SUGCT: variants seen among roughly 807,000 people sequenced by gnomAD.
SUGCT encodes succinyl-CoA:glutarate-CoA transferase, also known as succinyl-CoA:glutarate CoA-transferase.
A neutral mutation model predicts 55.0 loss-of-function variants in SUGCT; 41 were observed. The observed-to-expected ratio is 0.74, with a 90% confidence interval of 0.58 to 0.97. The LOEUF is 0.97. SUGCT is among the 50% of genes least tolerant of loss of function. SUGCT has a pLI of 0.00. For missense variants in SUGCT, 568 were observed against 547.8 expected, an observed-to-expected ratio of 1.04 and a Z score of -0.37; for synonymous variants, 187 against 200.4, an observed-to-expected ratio of 0.93 and a Z score of 0.56.
At chr7:40,365,049 C>A (rs1161230888) in intron 9 of SUGCT, among the ~76,000 whole-genome samples, 1,728 of 151,934 alleles carry the variant, frequency 0.011, 30 homozygotes, top group African/African-American at 0.038. Flanking sequence ...CAGCACATCA[C>A]AAAGCTTATC....
chr7:40,265,780 G>A (rs917973848), intron 7 of SUGCT, among the ~76,000 whole-genome samples: 8 of 152,018 alleles, frequency 5.3e-5, no homozygotes, highest in South Asian at 2.1e-4. Flanking sequence ...ATGAAACCCC[G>A]TCTCTACTAA....
At chr7:40,485,849 A>G (rs1322840666) in intron 11 of SUGCT, among the ~76,000 whole-genome samples, 1 of 152,162 alleles carries the variant, frequency 6.6e-6, no homozygotes, top group Non-Finnish European at 1.5e-5. Flanking sequence ...TTATTGACAT[A>G]CATTAGGTTG....
At chr7:40,217,155 T>C (rs965196499) in intron 6 of SUGCT, among the ~76,000 whole-genome samples, 14 of 152,180 alleles carry the variant, frequency 9.2e-5, no homozygotes, top group Admixed American at 9.2e-4. Flanking sequence ...TACCATTTGA[T>C]GTTTACCCTT....
chr7:40,959,359 C>G, the SUGCT span, among the ~76,000 whole-genome samples: 2 of 152,334 alleles, frequency 1.3e-5, no homozygotes, highest in Non-Finnish European at 1.5e-5. Flanking sequence ...TTCAGAGATG[C>G]CCTGCCTAGA....
chr7:40,380,418 G>A (rs2151280168), intron 9 of SUGCT, among the ~76,000 whole-genome samples: 1 of 152,260 alleles, frequency 6.6e-6, no homozygotes, highest in African/African-American at 2.4e-5. Context: ...GTTTTGTGGA[G>A]GAGAGGATTT....
chr7:40,444,500 T>A (rs1788701568), intron 9 of SUGCT, among the ~76,000 whole-genome samples: 1 of 152,192 alleles, frequency 6.6e-6, no homozygotes, highest in Non-Finnish European at 1.5e-5. Context: ...GAATGGGTGT[T>A]CACTCGTGAT....
intron 12 of SUGCT, among the ~76,000 whole-genome samples, chr7:40,560,944 G>A (rs146303283): frequency 1.3e-5 from 2 of 152,138 alleles, no homozygotes; most frequent in East Asian, 3.9e-4. Flanking sequence ...ATGTTGTTTT[G>A]TTAAACATCC....
chr7:40,627,478 G>A (rs764416565), intron 12 of SUGCT, among the ~76,000 whole-genome samples: 19 of 152,166 alleles, frequency 1.2e-4, no homozygotes, highest in Non-Finnish European at 2.4e-4. Flanking sequence ...CATCTGATTG[G>A]TTGTGGAAAG....
intron 9 of SUGCT, among the ~76,000 whole-genome samples, chr7:40,333,487 AT>A (rs1249081193): frequency 6.6e-6 from 1 of 150,594 alleles, no homozygotes; most frequent in Non-Finnish European, 1.5e-5. Context: ...AAATATGAAA[AT>A]TAGCCCAGTG....
At chr7:40,764,625 G>A (rs1788689918) in intron 13 of SUGCT, among the ~76,000 whole-genome samples, 1 of 152,160 alleles carries the variant, frequency 6.6e-6, no homozygotes, top group South Asian at 2.1e-4. Context: ...ATCAATTCAA[G>A]AGAGTAGGGT....
At chr7:40,510,721 G>T (rs192025417) in intron 12 of SUGCT, among the ~76,000 whole-genome samples, 38 of 152,102 alleles carry the variant, frequency 2.5e-4, no homozygotes, top group Non-Finnish European at 4.9e-4. Flanking sequence ...ATACTTTTCG[G>T]AATAAAATAA....
the SUGCT span, among the ~76,000 whole-genome samples, chr7:40,895,229 C>T: frequency 4.6e-5 from 7 of 152,118 alleles, no homozygotes; most frequent in Non-Finnish European, 8.8e-5. Context: ...TCAAATACCA[C>T]ATGTGCTCAC....
the SUGCT span, among the ~76,000 whole-genome samples, chr7:41,001,194 G>A: frequency 1.7e-3 from 261 of 152,272 alleles, no homozygotes; most frequent in Non-Finnish European, 2.7e-3. Context: ...GGAGAAGAGC[G>A]TTGGCTGAAG....
intron 1 of SUGCT, among the ~76,000 whole-genome samples, chr7:40,167,211 A>G (rs981801989): frequency 1.3e-5 from 2 of 152,210 alleles, no homozygotes; most frequent in African/African-American, 4.8e-5. Flanking sequence ...AAATGCAACA[A>G]TGTGATGAAA....
At chr7:40,749,719 C>CA (rs1302883383) in intron 13 of SUGCT, among the ~76,000 whole-genome samples, 1 of 152,038 alleles carries the variant, frequency 6.6e-6, no homozygotes, top group Non-Finnish European at 1.5e-5. Context: ...GCCACGATGA[C>CA]AAAAAAATGC....
At chr7:40,666,032 T>C (rs1296545434) in intron 12 of SUGCT, among the ~76,000 whole-genome samples, 1 of 151,904 alleles carries the variant, frequency 6.6e-6, no homozygotes, top group Non-Finnish European at 1.5e-5. Context: ...GAGCCTTGAA[T>C]GGGAGAACTG....
chr7:40,147,787 C>T (rs966387553), intron 1 of SUGCT, among the ~76,000 whole-genome samples: 1 of 152,324 alleles, frequency 6.6e-6, no homozygotes, highest in East Asian at 1.9e-4. Context: ...AGAGACCACC[C>T]CCAGAGGGGA....
chr7:40,575,199 A>G (rs971026805), intron 12 of SUGCT, among the ~76,000 whole-genome samples: 1 of 152,098 alleles, frequency 6.6e-6, no homozygotes, highest in African/African-American at 2.4e-5. Flanking sequence ...TCCAAAAGTC[A>G]TCACTACCAA....
chr7:40,339,315 T>C (rs2151171878), intron 9 of SUGCT, among the ~76,000 whole-genome samples: 1 of 152,328 alleles, frequency 6.6e-6, no homozygotes, highest in African/African-American at 2.4e-5. Context: ...TTTCTCTGCC[T>C]TTTGTTTGGC....
Sources: gnomAD v4.1 joint callset for allele counts (sites outside exome capture counted in the v4.1 genomes callset) on GRCh38, gnomAD v4.1.1 for gene constraint, MANE v1.5 for transcripts, NCBI Gene and HGNC (gene_info 2026-07-23, HGNC 2026-07-21) for gene names.